The following PTPRJ variants were observed in gnomAD, a reference collection of about 807,000 sequenced individuals.
PTPRJ encodes protein tyrosine phosphatase receptor type J, also known as receptor-type tyrosine-protein phosphatase eta.
A neutral mutation model predicts 141.3 loss-of-function variants in PTPRJ; 129 were observed. The observed-to-expected ratio is 0.91, with a 90% CI of 0.79 to 1.06. The LOEUF (loss-of-function observed/expected upper bound fraction) is 1.06, where lower values mean the gene tolerates loss of function less well. PTPRJ is among the 50% of genes least tolerant of loss of function. PTPRJ has a pLI of 0.00. For missense variants in PTPRJ, 1,601 were observed against 1,679.7 expected (o/e 0.95, Z 0.82); for synonymous variants, 610 against 640.5 (o/e 0.95, Z 0.72).
At chr11:48,038,235 C>G (rs1457888732) in intron 1 of PTPRJ, among the ~76,000 whole-genome samples, 1 of 152,084 alleles carries the variant, frequency 6.6e-6, no homozygotes, top group African/African-American at 2.4e-5. Context: ...TCAGTAAATG[C>G]TTGGTGAACA....
intron 1 of PTPRJ, among the ~76,000 whole-genome samples, chr11:48,066,792 G>T (rs975834191): frequency 6.6e-6 from 1 of 151,888 alleles, no homozygotes; most frequent in Non-Finnish European, 1.5e-5. Context: ...CACCATGTTG[G>T]CCAGGCTCAT....
chr11:48,146,257 C>T (rs1265866936), intron 14 of PTPRJ, among the ~76,000 whole-genome samples: 1 of 152,184 alleles, frequency 6.6e-6, no homozygotes, highest in African/African-American at 2.4e-5. Flanking sequence ...GTGCTTCTAC[C>T]CTTTATCACA....
chr11:48,167,259 A>G lies in PTPRJ; in HGVS notation c.3911A>G (p.Asp1304Gly). 1 of 1,612,436 alleles carries G rather than the reference A, an allele frequency of 6.2e-7. No homozygotes were observed. The highest frequency in any genetic ancestry group is 8.5e-7 in the Non-Finnish European group (1 of 1,178,522). The change falls in exon 25 of 25, where the codon GAC (aspartate) becomes GGC (glycine). Residue 1304 changes from aspartate (D) to glycine (G), a missense_variant. Physicochemically the swap from Asp to Gly is moderately conservative, Grantham distance 94. Transcript: ENST00000418331. The part of the protein sequence containing the change: ...CVLDIVRSQK[D>G]SKVDLIYQNT... ...TTGGATATTGTCAGATCCCAGAAAG[A>G]CTCAAAAGTAGATCTTATCTACCAG...
intron 1 of PTPRJ, among the ~76,000 whole-genome samples, chr11:48,055,977 C>A (rs139663203): frequency 2.4e-4 from 36 of 152,132 alleles, no homozygotes; most frequent in African/African-American, 8.2e-4. Flanking sequence ...TCAGAGAAGC[C>A]GGAGCTGAAT....
intron 1 of PTPRJ, among the ~76,000 whole-genome samples, chr11:48,064,699 G>T (rs1325906173): frequency 6.6e-6 from 1 of 152,080 alleles, no homozygotes; most frequent in Non-Finnish European, 1.5e-5. Flanking sequence ...CGCCTCCTGG[G>T]TTCAAGCAAT....
At chr11:48,053,724 G>A (rs1026259068) in intron 1 of PTPRJ, among the ~76,000 whole-genome samples, 2 of 148,280 alleles carry the variant, frequency 1.3e-5, no homozygotes, top group Non-Finnish European at 3.0e-5. Flanking sequence ...TTACAGGTGT[G>A]TGCCACCATG....
intron 1 of PTPRJ, among the ~76,000 whole-genome samples, chr11:48,064,075 A>G (rs1855012727): frequency 6.6e-6 from 1 of 151,782 alleles, no homozygotes; most frequent in Admixed American, 6.6e-5. Context: ...TTCGTTTTAG[A>G]GGTGACTTAA....
At chr11:48,102,522 C>T (rs190818321) in intron 1 of PTPRJ, among the ~76,000 whole-genome samples, 7 of 152,184 alleles carry the variant, frequency 4.6e-5, no homozygotes, top group African/African-American at 9.6e-5. Flanking sequence ...GATTCTCCTG[C>T]GTCAGCCTCC....
intron 1 of PTPRJ, among the ~76,000 whole-genome samples, chr11:48,056,960 A>G (rs1477415987): frequency 1.3e-5 from 2 of 152,212 alleles, no homozygotes; most frequent in African/African-American, 4.8e-5. Context: ...GTCTCAAAAC[A>G]AAACAAAACA....
intron 1 of PTPRJ, among the ~76,000 whole-genome samples, chr11:48,007,266 A>T (rs1253777816): frequency 8.1e-6 from 1 of 122,846 alleles, no homozygotes. Context: ...ACGCCCGGCT[A>T]ATTTTTTGTA....
chr11:48,055,176 A>G (rs1331314095), intron 1 of PTPRJ, among the ~76,000 whole-genome samples: 1 of 151,038 alleles, frequency 6.6e-6, no homozygotes, highest in Non-Finnish European at 1.5e-5. Context: ...ATGCAGTGAG[A>G]TCCCATCTCT....
intron 1 of PTPRJ, among the ~76,000 whole-genome samples, chr11:48,091,062 A>G (rs1369820078): frequency 1.3e-5 from 2 of 152,154 alleles, no homozygotes; most frequent in Non-Finnish European, 2.9e-5. Flanking sequence ...GGGGTTCTTC[A>G]ATCTGCAATC....
Position 48,144,776 on chromosome 11 carries a change from G to A in PTPRJ, c.2677G>A (p.Gly893Arg), listed in dbSNP as rs1857312679. The change falls in exon 13 of 25, where the codon GGA becomes AGA. Residue 893 changes from glycine to arginine, a missense_variant. Physicochemically the swap from Gly to Arg is moderately radical, Grantham distance 125 (BLOSUM62 -2). Coordinates refer to ENST00000418331, the MANE Select transcript of PTPRJ (RefSeq NM_002843.4). ...ATACCTCATAAGAACAGAAGAAAAG[G>A]GACGTTCTCAGAGCTTGTCTGAAGT... ...VTYLIRTEEK[G>R]RSQSLSEVLK... is the part of the protein sequence containing the mutation. 6.2e-7 allele frequency: 1 copy of A among 1,613,966 alleles called. No individual in the cohort carries two copies.
intron 1 of PTPRJ, among the ~76,000 whole-genome samples, chr11:48,046,902 ATATATATATATTTT>A (rs1169473068): frequency 4.6e-5 from 4 of 87,340 alleles, no homozygotes; most frequent in African/African-American, 2.5e-4. Context: ...ATATATATAT[ATATATATATATTTT>A]TTTTTTTTTT....
At chr11:48,128,189 TTGTA>T in intron 7 of PTPRJ, 146 bp downstream of exon 7, 1 of 1,080,720 alleles carries the variant, frequency 9.3e-7, no homozygotes, top group Non-Finnish European at 1.3e-6. Context: ...CACTGGCACA[TTGTA>T]TGCTCACAAC....
intron 7 of PTPRJ, among the ~76,000 whole-genome samples, chr11:48,129,385 T>G (rs1016921736): frequency 6.6e-6 from 1 of 152,206 alleles, no homozygotes; most frequent in South Asian, 2.1e-4. Context: ...ATGGTTGTCC[T>G]TAGTCTGCGT....
chr11:48,144,645 T>C, intron 12 of PTPRJ, 30 bp from the exon 13 acceptor site: 1 of 1,565,144 alleles, frequency 6.4e-7, no homozygotes, highest in South Asian at 1.1e-5. Context: ...ATCACTTTCT[T>C]ATGATTCTCC....
chr11:48,030,431 T>G (rs909487834), intron 1 of PTPRJ, among the ~76,000 whole-genome samples: 3 of 152,200 alleles, frequency 2.0e-5, no homozygotes, highest in Non-Finnish European at 4.4e-5. Flanking sequence ...TGATGGCTGC[T>G]GGGGCTCCAT....
rs532423080 is a variant in PTPRJ, at chr11:48,113,095, T to A, written c.352+112T>A. On this transcript the variant is annotated intron_variant, in intron 3 of 24. Transcript: ENST00000418331. ...TTTTAATTACCTAAGAAAATCTTTT[T>A]AAAAATTTTTATAAAGATAGTAATG... 134 of 872,730 alleles carry A rather than the reference T, an allele frequency of 1.5e-4. No homozygotes were observed. In the African/African-American group the frequency reaches 1.8e-3, roughly 12 times the overall value. 54.1% of individuals were successfully genotyped at this position (872,730 alleles called of 1,614,324 possible).
Sources: gnomAD v4.1 joint callset for allele counts (sites outside exome capture counted in the v4.1 genomes callset) on GRCh38, gnomAD v4.1.1 for gene constraint, MANE v1.5 for transcripts, NCBI Gene and HGNC (gene_info 2026-07-23, HGNC 2026-07-21) for gene names.